TMEM38B: variants seen among roughly 807,000 people sequenced by gnomAD.
The protein encoded by TMEM38B is transmembrane protein 38B, also known as trimeric intracellular cation channel type B.
TMEM38B carries 24 observed loss-of-function variants against 28.7 expected under a neutral mutation model. The ratio of observed to expected loss-of-function variants is 0.84; its 90% confidence interval spans 0.61 to 1.18. The LOEUF is 1.18. TMEM38B is among the 50% of genes most tolerant of loss of function. The pLI is 0.00. For synonymous variants in TMEM38B, 131 were observed against 127.7 expected, an observed-to-expected ratio of 1.03 and a Z score of -0.17; for missense variants, 380 against 350.9, an observed-to-expected ratio of 1.08 and a Z score of -0.66.
At chr9:105,748,242 C>G (rs1837506412) in intron 5 of TMEM38B, 52 bp downstream of exon 5, 1 of 1,320,340 alleles carries the variant, frequency 7.6e-7, no homozygotes, top group Non-Finnish European at 1.1e-6. Flanking sequence ...AACTATTCCC[C>G]TTTGATACAA....
intron 4 of TMEM38B, among the ~76,000 whole-genome samples, chr9:105,725,035 G>T (rs1325808832): frequency 6.6e-6 from 1 of 151,960 alleles, no homozygotes; most frequent in African/African-American, 2.4e-5. Flanking sequence ...CTCCATGCTT[G>T]AGCAAGTCAA....
chr9:105,706,088 G>A (rs983647994), intron 2 of TMEM38B, among the ~76,000 whole-genome samples: 2 of 151,974 alleles, frequency 1.3e-5, no homozygotes, highest in Admixed American at 6.6e-5. Flanking sequence ...TTGTAGAGAC[G>A]GGGTTTCACC....
chr9:105,748,746 A>G (rs886991663), intron 5 of TMEM38B, among the ~76,000 whole-genome samples: 38 of 152,078 alleles, frequency 2.5e-4, no homozygotes, highest in Non-Finnish European at 2.2e-4. Flanking sequence ...TCTTCATTGT[A>G]TGATTGTTGA....
intron 1 of TMEM38B, chr9:105,701,698 C>A (rs1031657404): frequency 3.3e-5 from 5 of 152,156 alleles, no homozygotes; most frequent in African/African-American, 1.2e-4. Flanking sequence ...GGTTGTGGCA[C>A]CAATTTCTGT....
At chr9:105,739,712 A>G (rs1160309115) in intron 4 of TMEM38B, among the ~76,000 whole-genome samples, 1 of 151,650 alleles carries the variant, frequency 6.6e-6, no homozygotes, top group Non-Finnish European at 1.5e-5. Context: ...TTTAGTAGAG[A>G]AAGCGTTTCA....
chr9:105,702,654 T>G (rs1835498748), intron 1 of TMEM38B: 1 of 151,490 alleles, frequency 6.6e-6, no homozygotes, highest in Non-Finnish European at 1.5e-5. Flanking sequence ...TCTTTGTAGC[T>G]TTCGTTTCAT....
At chr9:105,710,519 T>C (rs768542120) in intron 2 of TMEM38B, 22 of 1,185,552 alleles carry the variant, frequency 1.9e-5, no homozygotes, top group Non-Finnish European at 2.6e-5. Context: ...CCGATCCCCC[T>C]GGGCAAACTG....
chr9:105,724,029 T>C (rs976927800), intron 4 of TMEM38B, among the ~76,000 whole-genome samples: 22 of 151,518 alleles, frequency 1.5e-4, no homozygotes, highest in African/African-American at 5.3e-4. Flanking sequence ...TGAGATGTGG[T>C]TTCACCATGT....
chr9:105,766,074 C>G (rs537630181), intron 5 of TMEM38B, among the ~76,000 whole-genome samples: 19 of 152,326 alleles, frequency 1.2e-4, no homozygotes, highest in Non-Finnish European at 2.4e-4. Context: ...GCTGGAATTA[C>G]AGGCGTGAGC....
chr9:105,758,671 C>CA, intron 5 of TMEM38B: 1 of 768,656 alleles, frequency 1.3e-6, no homozygotes, highest in Non-Finnish European at 2.3e-6. Flanking sequence ...AAAACTCTGC[C>CA]ACGAAGACAT....
In TMEM38B at chr9:105,722,636, A is replaced by G. The variant is rs746785030; in HGVS notation, c.542+15A>G. On this transcript the variant is annotated intron_variant, in intron 4 of 5. Transcript: ENST00000374692. ...AAGATGTCATAGTAAGTTGGTATAA[A>G]TTATACTGAGACCTAGATGTTTATC... 6 of 1,599,356 alleles carry G rather than the reference A, an allele frequency of 3.8e-6. No homozygotes were observed. Among genetic ancestry groups the G allele is most frequent in the Middle Eastern group, 3.3e-4 (2 of 6,014 alleles).
chr9:105,758,348 G>A (rs1409741010), intron 5 of TMEM38B: 12 of 934,016 alleles, frequency 1.3e-5, no homozygotes, highest in African/African-American at 9.7e-5. Flanking sequence ...CTGGTATGGC[G>A]ATCTTACATG....
intron 5 of TMEM38B, among the ~76,000 whole-genome samples, chr9:105,772,647 G>T (rs1220949500): frequency 6.6e-6 from 1 of 151,690 alleles, no homozygotes; most frequent in African/African-American, 2.4e-5. Flanking sequence ...GAAGTCCATG[G>T]GCATGTATTT....
intron 2 of TMEM38B, among the ~76,000 whole-genome samples, chr9:105,716,523 T>C (rs1836103688): frequency 6.6e-6 from 1 of 152,178 alleles, no homozygotes; most frequent in African/African-American, 2.4e-5. Flanking sequence ...GTGTTGTGGG[T>C]GTTAGTGATT....
At position 105,775,079 on chromosome 9, in the gene TMEM38B, C is replaced by T. The variant is rs1028395067; in HGVS notation, c.*999C>T. The T allele has an allele frequency of 6.6e-6, 1 of 152,044 alleles. No individual in the cohort carries two copies. Among genetic ancestry groups the T allele is most frequent in the Non-Finnish European group, 1.5e-5 (1 of 67,958 alleles). 9.4% of individuals were successfully genotyped at this position (152,044 alleles called of 1,614,324 possible). Reference sequence around the variant, plus strand: ...GTTTTAGTTTTCTAGTTGAATATCTCTGACAAGCTTTCGTATGGTTTTGTT... The same window carrying T: ...GTTTTAGTTTTCTAGTTGAATATCTTTGACAAGCTTTCGTATGGTTTTGTT... On this transcript the variant is annotated 3_prime_UTR_variant, in exon 6 of 6. Transcript: ENST00000374692.
At chr9:105,715,030 TC>T (rs2133567977) in intron 2 of TMEM38B, among the ~76,000 whole-genome samples, 1 of 152,320 alleles carries the variant, frequency 6.6e-6, no homozygotes, top group East Asian at 1.9e-4. Flanking sequence ...TCTCCTTTCT[TC>T]CACCCTAAGA....
At chr9:105,725,152 C>T in intron 4 of TMEM38B, among the ~76,000 whole-genome samples, 1 of 152,078 alleles carries the variant, frequency 6.6e-6, no homozygotes, top group Admixed American at 6.6e-5. Flanking sequence ...ATGCTTCCTT[C>T]TCAGTGAGGA....
intron 4 of TMEM38B, among the ~76,000 whole-genome samples, chr9:105,728,239 C>A (rs1165662507): frequency 6.6e-6 from 1 of 151,950 alleles, no homozygotes; most frequent in Non-Finnish European, 1.5e-5. Context: ...CTATCTCTCT[C>A]CCAGCCCCCC....
At chr9:105,734,303 A>G (rs1377217630) in intron 4 of TMEM38B, among the ~76,000 whole-genome samples, 1 of 152,098 alleles carries the variant, frequency 6.6e-6, no homozygotes, top group African/African-American at 2.4e-5. Context: ...GGTCAAAATG[A>G]CACTTGATGT....
Sources: gnomAD v4.1 joint callset for allele counts (sites outside exome capture counted in the v4.1 genomes callset) on GRCh38, gnomAD v4.1.1 for gene constraint, MANE v1.5 for transcripts, NCBI Gene and HGNC (gene_info 2026-07-23, HGNC 2026-07-21) for gene names.